RBFOX1: variants seen among roughly 807,000 people sequenced by gnomAD.
The protein encoded by RBFOX1 is RNA binding fox-1 homolog 1.
In RBFOX1, 8 loss-of-function variants were observed where a neutral mutation model predicts 57.7. The observed-to-expected ratio is 0.14, with a 90% confidence interval of 0.08 to 0.25. RBFOX1 has a LOEUF of 0.25. Among genes scored for constraint, RBFOX1 ranks in the 10% least tolerant of loss-of-function variants. The pLI, the probability that RBFOX1 is intolerant of heterozygous loss-of-function variation, is 1.00. For missense variants in RBFOX1, 611 were observed against 548.5 expected, an observed-to-expected ratio of 1.11 and a Z score of -1.14; for synonymous variants, 326 against 222.4, an observed-to-expected ratio of 1.47 and a Z score of -4.15.
At chr16:7,031,797 G>A (rs954267245) in intron 3 of RBFOX1, among the ~76,000 whole-genome samples, 2 of 152,114 alleles carry the variant, frequency 1.3e-5, no homozygotes, top group African/African-American at 4.8e-5. Context: ...GATGGCTTGT[G>A]TCTCATGGGG....
At chr16:6,531,189 C>T (rs975446557) in intron 2 of RBFOX1, among the ~76,000 whole-genome samples, 1 of 152,184 alleles carries the variant, frequency 6.6e-6, no homozygotes, top group Admixed American at 6.5e-5. Context: ...CCCGGTTTTT[C>T]CCAAATTCTA....
chr16:6,007,935 A>C (rs938367676), intron 4 of RBFOX1, among the ~76,000 whole-genome samples: 1 of 152,168 alleles, frequency 6.6e-6, no homozygotes, highest in Non-Finnish European at 1.5e-5. Flanking sequence ...GATATGGGCC[A>C]GGTGCAGTGG....
intron 2 of RBFOX1, among the ~76,000 whole-genome samples, chr16:6,528,424 A>G (rs201869139): frequency 7.9e-5 from 12 of 152,170 alleles, no homozygotes; most frequent in Non-Finnish European, 1.3e-4. Context: ...TGCAGAGCCA[A>G]TAAAACATGA....
At position 6,807,516 on chromosome 16, in the gene RBFOX1, G is replaced by C. The variant is rs150826707; in HGVS notation, c.-16+152866G>C. Among the ~76,000 whole-genome samples, 281 of 152,102 alleles carry C rather than the reference G, an allele frequency of 1.8e-3. 1 individual carries two copies. The highest frequency in any genetic ancestry group is 3.4e-3 in the Middle Eastern group (1 of 294). The stretch of plus-strand genomic sequence containing the variant: ...ACTAATGGGACTTTGCTTGTCCTAT[G>C]ATATTAAGATGCATACTATGGCGGA... On this transcript the variant is annotated intron_variant, in intron 3 of 15. Coordinates refer to ENST00000550418, the MANE Select transcript of RBFOX1 (RefSeq NM_018723.4).
intron 3 of RBFOX1, among the ~76,000 whole-genome samples, chr16:6,750,816 C>T (rs767784668): frequency 3.3e-5 from 5 of 152,094 alleles, no homozygotes; most frequent in Admixed American, 2.0e-4. Context: ...TAGTTAATAA[C>T]AATAAACGCC....
intron 5 of RBFOX1, among the ~76,000 whole-genome samples, chr16:7,547,288 C>T (rs1245145527): frequency 6.6e-6 from 1 of 152,164 alleles, no homozygotes; most frequent in East Asian, 1.9e-4. Flanking sequence ...TAGCACCTTT[C>T]GATATGAAGT....
chr16:5,742,597 C>G (rs1199442290), intron 3 of RBFOX1, among the ~76,000 whole-genome samples: 2 of 152,154 alleles, frequency 1.3e-5, no homozygotes, highest in Non-Finnish European at 2.9e-5. Context: ...GTAGCCTCAT[C>G]AAAGCTCTTG....
At chr16:6,834,633 C>G (rs1036923180) in intron 3 of RBFOX1, among the ~76,000 whole-genome samples, 23 of 152,078 alleles carry the variant, frequency 1.5e-4, no homozygotes, top group African/African-American at 4.1e-4. Context: ...CAAGGGTAGA[C>G]AGATTGTTGT....
Position 6,121,140 on chromosome 16 carries a change from A to G in RBFOX1, c.-127+101148A>G, listed in dbSNP as rs531295156. Among the ~76,000 whole-genome samples, 28 of 152,270 alleles carry G rather than the reference A, an allele frequency of 1.8e-4. 1 individual carries two copies. Among genetic ancestry groups the G allele is most frequent in the African/African-American group, 6.0e-4 (25 of 41,558 alleles). On this transcript the variant is annotated intron_variant, in intron 1 of 15. Coordinates refer to ENST00000550418, the MANE Select transcript of RBFOX1 (RefSeq NM_018723.4). ...GGAGTGTGCACCTGGTGTGTCCTGT[A>G]TGTCCAGGCACAGCCCTGCCAACCC...
intron 3 of RBFOX1, among the ~76,000 whole-genome samples, chr16:6,834,536 A>G (rs373866719): frequency 1.2e-4 from 18 of 147,636 alleles, no homozygotes; most frequent in Admixed American, 6.8e-5. Context: ...GAATCAGTTA[A>G]TTAATTAACA....
intron 4 of RBFOX1, among the ~76,000 whole-genome samples, chr16:7,175,337 T>C (rs559800762): frequency 3.3e-5 from 5 of 151,856 alleles, no homozygotes; most frequent in African/African-American, 1.2e-4. Context: ...GCCTGTGAAA[T>C]GGGTCTCAGT....
intron 4 of RBFOX1, among the ~76,000 whole-genome samples, chr16:5,969,325 G>GTTTTTTTTTTT (rs1392384342): frequency 3.3e-5 from 4 of 120,646 alleles, no homozygotes; most frequent in Non-Finnish European, 3.3e-5. Flanking sequence ...TTTTTTTTTG[G>GTTTTTTTTTTT]TTTGGAAATG....
downstream of RBFOX1, among the ~76,000 whole-genome samples, chr16:5,604,271 G>C (rs935374220): frequency 3.3e-5 from 5 of 152,246 alleles, no homozygotes; most frequent in East Asian, 7.7e-4. Context: ...TTATTGCTTC[G>C]ATTGGTCATA....
intron 3 of RBFOX1, among the ~76,000 whole-genome samples, chr16:6,819,367 C>G (rs2090812480): frequency 6.6e-6 from 1 of 152,176 alleles, no homozygotes; most frequent in Non-Finnish European, 1.5e-5. Flanking sequence ...AACACACACA[C>G]ACATCCTTTA....
intron 4 of RBFOX1, among the ~76,000 whole-genome samples, chr16:5,909,902 A>C (rs1197483704): frequency 6.6e-6 from 1 of 151,866 alleles, no homozygotes; most frequent in Non-Finnish European, 1.5e-5. Context: ...AAAATACAAA[A>C]ATTAGCCGGG....
intron 3 of RBFOX1, among the ~76,000 whole-genome samples, chr16:6,795,877 C>T (rs189500220): frequency 1.2e-4 from 18 of 152,108 alleles, no homozygotes; most frequent in East Asian, 7.7e-4. Context: ...CACCCCCTGC[C>T]TTCCCTTTCC....
At chr16:5,508,547 C>G (rs1326322055) in intron 2 of RBFOX1, among the ~76,000 whole-genome samples, 3 of 152,146 alleles carry the variant, frequency 2.0e-5, no homozygotes, top group African/African-American at 7.2e-5. Context: ...AGTGATTGCA[C>G]AGAGTGCCAC....
intron 4 of RBFOX1, among the ~76,000 whole-genome samples, chr16:5,983,988 C>T (rs1017610448): frequency 1.4e-5 from 2 of 143,238 alleles, no homozygotes; most frequent in Non-Finnish European, 3.0e-5. Context: ...TTCTTCCTCC[C>T]ACATTCTTCT....
intron 1 of RBFOX1, among the ~76,000 whole-genome samples, chr16:5,300,174 C>T (rs1412734651): frequency 6.6e-6 from 1 of 151,884 alleles, no homozygotes; most frequent in Non-Finnish European, 1.5e-5. Flanking sequence ...ATTGTATTAT[C>T]CTTTTAATAG....
Sources: allele counts gnomAD v4.1 joint callset (sites outside exome capture counted in the v4.1 genomes callset), GRCh38; gene constraint gnomAD v4.1.1; transcripts MANE v1.5; gene names NCBI Gene and HGNC (gene_info 2026-07-23, HGNC 2026-07-21).